The following HMCN2 variants were observed in gnomAD, a reference collection of about 807,000 sequenced individuals.
The protein encoded by HMCN2 is hemicentin 2.
In HMCN2, 325 loss-of-function variants were observed where a neutral mutation model predicts 377.5. The observed-to-expected ratio is 0.86, with a 90% confidence interval of 0.79 to 0.94. HMCN2 has a LOEUF of 0.94. HMCN2 is among the 40% of genes least tolerant of loss of function. The probability of loss-of-function intolerance (pLI) is 0.00; values close to 1 mark genes in which losing one functional copy is unlikely to be tolerated. For missense variants in HMCN2, 4,543 were observed against 4,725.3 expected (o/e 0.96, Z 1.13); for synonymous variants, 2,007 against 2,046.8 (o/e 0.98, Z 0.53).
intron 4 of HMCN2, among the ~76,000 whole-genome samples, chr9:130,290,548 C>A (rs544720898): frequency 6.6e-6 from 1 of 152,186 alleles, no homozygotes; most frequent in Admixed American, 6.5e-5. Context: ...ACGGTGGTAA[C>A]GGACCTGCTT....
rs199703083 is a variant in HMCN2 at position 130,358,452 on chromosome 9, G to A, written c.5643G>A (p.Gly1881=). The A allele has an allele frequency of 4.6e-6, 6 of 1,304,250 alleles. No homozygotes were observed. The highest frequency in any genetic ancestry group is 2.3e-5 in the Admixed American group (1 of 43,556). The allele number at this position is 1,304,250 out of a possible 1,614,324, so 80.8% of individuals were successfully genotyped here. ...IYTCAATNLA[G]ESKREVALKV... ...CTTGTGCTGCTACCAACCTGGCTGG[G>A]GAGAGCAAGAGGGAAGTGGCGCTGA... The change falls in exon 36 of 98, where the codon GGG becomes GGA. Residue 1881 remains glycine (G), a synonymous_variant. Coordinates refer to ENST00000683500, the MANE Select transcript of HMCN2 (RefSeq NM_001291815.2).
rs111629052 is a variant in HMCN2 at position 130,428,204 on chromosome 9, A to G, written c.14066-154A>G. Among the ~76,000 whole-genome samples, 1,027 of 152,252 alleles carry G rather than the reference A, an allele frequency of 6.7e-3. 14 individuals are homozygous for G. The highest frequency in any genetic ancestry group is 0.017 in the African/African-American group (713 of 41,558). On this transcript the variant is annotated intron_variant, in intron 92 of 97. Transcript: ENST00000683500. The surrounding 1 kb of genome is among the most constrained non-coding windows in gnomAD (Gnocchi z 5.0). Reference sequence around the variant, plus strand: ...TATGTTTTGGGATAGGGAGCAAGACAATGGAAAGAGCTAGCAGAAGGGGTG... The same window carrying G: ...TATGTTTTGGGATAGGGAGCAAGACGATGGAAAGAGCTAGCAGAAGGGGTG...
intron 4 of HMCN2, among the ~76,000 whole-genome samples, chr9:130,291,241 C>T (rs571850730): frequency 6.6e-6 from 1 of 152,180 alleles, no homozygotes; most frequent in Non-Finnish European, 1.5e-5. Context: ...TGGAGTTTTG[C>T]TCTTGTCACC....
At chr9:130,373,798 T>C (rs1841214559) in intron 48 of HMCN2, among the ~76,000 whole-genome samples, 1 of 150,960 alleles carries the variant, frequency 6.6e-6, no homozygotes, top group Admixed American at 6.6e-5. Context: ...GATGGATAGA[T>C]GGATAGGTAG....
At chr9:130,280,962 G>T (rs1835084974) in intron 1 of HMCN2, among the ~76,000 whole-genome samples, 1 of 151,988 alleles carries the variant, frequency 6.6e-6, no homozygotes, top group African/African-American at 2.4e-5. Context: ...AATTAGCCGA[G>T]CATGGTGACA....
In HMCN2 at chr9:130,286,171, G is replaced by T; in HGVS notation, c.490-17G>T. On this transcript the variant is annotated splice_polypyrimidine_tract_variant and intron_variant, in intron 3 of 97. Transcript: ENST00000683500. ...CGGCCAGGGAAGTCGAGAGCAGGCT[G>T]CACGTCCATCTTCCAGGTGGTCTTT... 2.1e-6 allele frequency: 1 copy of T among 470,324 alleles called. No homozygotes were observed. Among genetic ancestry groups the T allele is most frequent in the South Asian group, 1.6e-5 (1 of 64,510 alleles). 29.1% of individuals were successfully genotyped at this position (470,324 alleles called of 1,614,324 possible). A position where few individuals can be genotyped will look rare whatever the true frequency, so the allele number is the denominator to read the frequency against.
intron 32 of HMCN2, among the ~76,000 whole-genome samples, 158 bp from the exon 33 acceptor site, chr9:130,355,588 G>A (rs1168356034): frequency 6.6e-6 from 1 of 152,224 alleles, no homozygotes; most frequent in Non-Finnish European, 1.5e-5. Flanking sequence ...TACCCGCCTT[G>A]GGTGGCCCTG....
At position 130,351,276 on chromosome 9, in the gene HMCN2, G is replaced by A. The variant is rs1255975494; in HGVS notation, c.4431-147G>A. The A allele has an allele frequency of 7.4e-6, 3 of 405,176 alleles. No individual in the cohort carries two copies. Among genetic ancestry groups the A allele is most frequent in the South Asian group, 3.1e-5 (1 of 31,928 alleles). 25.1% of individuals were successfully genotyped at this position (405,176 alleles called of 1,614,324 possible). A position where few individuals can be genotyped will look rare whatever the true frequency, so the allele number is the denominator to read the frequency against. On this transcript the variant is annotated intron_variant, in intron 29 of 97. Transcript: ENST00000683500. This position sits in a 1 kb window ranked among gnomAD's most constrained non-coding sequence, Gnocchi z 5.4. ...ACCACACGTTGTTGATCCATTCCTCGCTTACTGGGCCTTTGCATTGCTCCC... is the reference window on the plus strand; with the variant it reads ...ACCACACGTTGTTGATCCATTCCTCACTTACTGGGCCTTTGCATTGCTCCC...
intron 5 of HMCN2, 60 bp downstream of exon 5, chr9:130,295,086 G>A (rs1588189889): frequency 2.7e-6 from 1 of 368,990 alleles, no homozygotes; most frequent in Admixed American, 3.3e-5. Context: ...GGAAGCCCAG[G>A]ATGGGACAAA....
Position 130,374,490 on chromosome 9 carries a change from C to T in HMCN2, c.7439-12C>T, listed in dbSNP as rs1841268685. On this transcript the variant is annotated splice_polypyrimidine_tract_variant and intron_variant, in intron 48 of 97. Coordinates refer to ENST00000683500, the MANE Select transcript of HMCN2 (RefSeq NM_001291815.2). ...GCCTGCCAAATTGTCTCATTCTCTG[C>T]TCTGCATACAGGCCACCCACAGCCC... 3 of 985,704 alleles carry T rather than the reference C, an allele frequency of 3.0e-6. No homozygotes were observed. The highest frequency in any genetic ancestry group is 3.5e-5 in the African/African-American group (2 of 57,354). The allele number at this position is 985,704 out of a possible 1,614,324, so 61.1% of individuals were successfully genotyped here.
intron 57 of HMCN2, 100 bp from the exon 58 acceptor site, chr9:130,384,273 C>T: frequency 1.0e-6 from 1 of 995,188 alleles, no homozygotes; most frequent in South Asian, 1.6e-5. Context: ...CGAGGTGAAG[C>T]CCCAGGAGCT....
rs565788217 is a variant in HMCN2, at chr9:130,375,597, T to C, written c.7665T>C (p.Ser2555=). The change falls in exon 50 of 98, where the codon AGT becomes AGC. Residue 2555 remains serine (S), a synonymous_variant. Coordinates refer to ENST00000683500, the MANE Select transcript of HMCN2 (RefSeq NM_001291815.2). ...CCATCCTGGGAGGGGCCGAGGACAG[T>C]GCAGATGAGGAGGTGACCGTGACTG... ...APTILGGAED[S]ADEEVTVTVN... 7 of 985,868 alleles carry C rather than the reference T, an allele frequency of 7.1e-6. No individual in the cohort carries two copies. The South Asian group carries it at 3.3e-4, about 46-fold the overall frequency. 61.1% of individuals were successfully genotyped at this position (985,868 alleles called of 1,614,324 possible).
chr9:130,424,303 C>A (rs1844198131), intron 87 of HMCN2, among the ~76,000 whole-genome samples: 1 of 151,438 alleles, frequency 6.6e-6, no homozygotes, highest in South Asian at 2.1e-4. Flanking sequence ...CTCAGCCTCC[C>A]AAGTAGCTGG....
chr9:130,302,827 G>A (rs1554934951), intron 8 of HMCN2, 30 bp from the exon 9 acceptor site: 1 of 434,758 alleles, frequency 2.3e-6, no homozygotes, highest in Non-Finnish European at 4.8e-6. Context: ...GCGGTGGGGA[G>A]ACATTCTGAG....
At chr9:130,292,335 G>A (rs1835827823) in intron 4 of HMCN2, among the ~76,000 whole-genome samples, 1 of 152,170 alleles carries the variant, frequency 6.6e-6, no homozygotes, top group Non-Finnish European at 1.5e-5. Flanking sequence ...AACAGTTTTA[G>A]CATCCACTGA....
intron 4 of HMCN2, among the ~76,000 whole-genome samples, chr9:130,288,443 G>A (rs535454211): frequency 1.3e-5 from 2 of 152,320 alleles, no homozygotes; most frequent in South Asian, 2.1e-4. Context: ...TCTTCCAGAT[G>A]TTCCCAGACA....
At position 130,433,542 on chromosome 9, in the gene HMCN2, C is replaced by A. The variant is rs1414571743; in HGVS notation, c.15089C>A (p.Ala5030Glu). ...GAGCCCGACCCCCGCAGCCCCTTCG[C>A]GCTGCGTCCGCTGCGCGCGGGCCTT... ...MLEPDPRSPF[A>E]LRPLRAGLGA... Residue 5030 changes from alanine to glutamate, a missense_variant, in exon 98 of 98, where the codon GCG becomes GAG. Ala to Glu is a moderately radical substitution (Grantham distance 107). Coordinates refer to ENST00000683500, the MANE Select transcript of HMCN2 (RefSeq NM_001291815.2). 1.8e-5 allele frequency: 26 copies of A among 1,468,598 alleles called. No individual in the cohort carries two copies. Among genetic ancestry groups the A allele is most frequent in the Non-Finnish European group, 2.2e-5 (25 of 1,116,972 alleles). The allele number at this position is 1,468,598 out of a possible 1,614,324, so 91.0% of individuals were successfully genotyped here.
intron 93 of HMCN2, 80 bp from the exon 94 acceptor site, chr9:130,429,477 A>G (rs1844601991): frequency 2.0e-6 from 3 of 1,517,620 alleles, no homozygotes; most frequent in Non-Finnish European, 1.8e-6. Flanking sequence ...AGGCCCAGAT[A>G]TGGAGGGGGA....
At chr9:130,392,585 T>A (rs140211911) in intron 66 of HMCN2, among the ~76,000 whole-genome samples, 3 of 152,220 alleles carry the variant, frequency 2.0e-5, no homozygotes, top group Non-Finnish European at 4.4e-5. Context: ...ATATGGGACG[T>A]GGAGCTTCCC....
Sources: allele counts gnomAD v4.1 joint callset (sites outside exome capture counted in the v4.1 genomes callset), GRCh38; gene constraint gnomAD v4.1.1; non-coding constraint Gnocchi (gnomAD v3.1); transcripts MANE v1.5; gene names NCBI Gene and HGNC (gene_info 2026-07-23, HGNC 2026-07-21).